FAF2: variants seen among roughly 807,000 people sequenced by gnomAD.
FAF2 encodes the protein Fas associated factor family member 2.
A neutral mutation model predicts 62.3 loss-of-function variants in FAF2; 9 were observed. That is an observed-to-expected ratio of 0.14 (90% CI 0.09 to 0.25). The LOEUF (loss-of-function observed/expected upper bound fraction) is 0.25. Among genes scored for constraint, FAF2 ranks in the 10% least tolerant of loss-of-function variants. The pLI, the probability that FAF2 is intolerant of heterozygous loss-of-function variation, is 1.00. For missense variants in FAF2, 368 were observed against 556.2 expected (o/e 0.66, Z 3.40); for synonymous variants, 202 against 198.0 (o/e 1.02, Z -0.17).
Position 176,507,015 on chromosome 5 carries a change from C to T in FAF2, c.*65C>T. 8.8e-7 allele frequency: 1 copy of T among 1,131,104 alleles called. No homozygotes were observed. The highest frequency in any genetic ancestry group is 1.2e-6 in the Non-Finnish European group (1 of 852,118). The allele number at this position is 1,131,104 out of a possible 1,614,324, so 70.1% of individuals were successfully genotyped here. On this transcript the variant is annotated 3_prime_UTR_variant, in exon 11 of 11. Coordinates refer to ENST00000261942, the MANE Select transcript of FAF2 (RefSeq NM_014613.3). Reference sequence around the variant, plus strand: ...AAGAAATGGGGAAAAAAGAAAACAACAGCAAGTCAGAAAAAAAAAACAAGA... The same window carrying T: ...AAGAAATGGGGAAAAAAGAAAACAATAGCAAGTCAGAAAAAAAAAACAAGA...
intron 1 of FAF2, among the ~76,000 whole-genome samples, chr5:176,450,701 G>A (rs1287523708): frequency 2.6e-5 from 4 of 151,988 alleles, no homozygotes; most frequent in Non-Finnish European, 5.9e-5. Context: ...CTACAGGCAC[G>A]CGCCACCACA....
At chr5:176,486,187 C>T (rs1483487330) in intron 2 of FAF2, among the ~76,000 whole-genome samples, 168 bp from the exon 3 acceptor site, 2 of 152,212 alleles carry the variant, frequency 1.3e-5, no homozygotes, top group African/African-American at 2.4e-5. Flanking sequence ...ACTCCAGTTG[C>T]CTCCAAGTAC....
intron 1 of FAF2, among the ~76,000 whole-genome samples, chr5:176,465,858 A>G (rs548261912): frequency 2.4e-4 from 36 of 152,312 alleles, no homozygotes; most frequent in African/African-American, 8.2e-4. Context: ...CTTCATCTCA[A>G]AAAAGAAAAG....
intron 4 of FAF2, among the ~76,000 whole-genome samples, chr5:176,490,920 A>C (rs977053257): frequency 6.6e-6 from 1 of 152,146 alleles, no homozygotes; most frequent in East Asian, 1.9e-4. Context: ...CAGTCTTCTG[A>C]TGAATTTCTA....
chr5:176,479,123 T>A (rs1758748978), intron 1 of FAF2, 65 bp from the exon 2 acceptor site: 1 of 1,321,840 alleles, frequency 7.6e-7, no homozygotes, highest in Non-Finnish European at 1.1e-6. Context: ...GTATATGGCG[T>A]AAAAATACTC....
rs142013594 is a variant in FAF2 at position 176,488,328 on chromosome 5, G to A, written c.268-623G>A. ...TGTAAATCTAAAAAGGAAAGAATGAGTGTGTATCATTTGGGGAACATTAAT... is the reference window on the plus strand; with the variant it reads ...TGTAAATCTAAAAAGGAAAGAATGAATGTGTATCATTTGGGGAACATTAAT... On this transcript the variant is annotated intron_variant, in intron 3 of 10. Transcript: ENST00000261942. Among the ~76,000 whole-genome samples, 82 of 152,320 alleles carry A rather than the reference G, an allele frequency of 5.4e-4. 1 individual carries two copies. Among genetic ancestry groups the A allele is most frequent in the African/African-American group, 1.9e-3 (79 of 41,568 alleles).
intron 1 of FAF2, among the ~76,000 whole-genome samples, chr5:176,466,999 T>C (rs1758479394): frequency 6.6e-6 from 1 of 151,992 alleles, no homozygotes; most frequent in African/African-American, 2.4e-5. Context: ...CCAAAATCCT[T>C]GGGAAGTCAG....
At chr5:176,471,575 G>A (rs1263287867) in intron 1 of FAF2, among the ~76,000 whole-genome samples, 1 of 151,556 alleles carries the variant, frequency 6.6e-6, no homozygotes, top group African/African-American at 2.4e-5. Context: ...TAGAGACGGG[G>A]TTTCACCATG....
chr5:176,500,647 T>C (rs1441797129), intron 10 of FAF2, among the ~76,000 whole-genome samples: 1 of 152,234 alleles, frequency 6.6e-6, no homozygotes, highest in Non-Finnish European at 1.5e-5. Context: ...TTTCTGAGGC[T>C]ACTTTATGTA....
At chr5:176,455,809 A>G (rs1758269169) in intron 1 of FAF2, among the ~76,000 whole-genome samples, 1 of 152,194 alleles carries the variant, frequency 6.6e-6, no homozygotes, top group Admixed American at 6.6e-5. Context: ...CATTCCCTAA[A>G]GAAAACGATA....
At position 176,507,976 on chromosome 5, in the gene FAF2, T is replaced by TAGCAGGGCCTGTGGTGGAGCC. The variant is rs1288082243; in HGVS notation, c.*1032_*1052dup. The stretch of plus-strand genomic sequence containing the variant: ...CAAGCCTGGTGCCTTTCCAAAGGAC[T>TAGCAGGGCCTGTGGTGGAGCC]AGCAGGGCCTGTGGTGGAGCCAGCA... On this transcript the variant is annotated 3_prime_UTR_variant, in exon 11 of 11. Transcript: ENST00000261942. The TAGCAGGGCCTGTGGTGGAGCC allele has an allele frequency of 2.0e-5, 3 of 152,614 alleles. No homozygotes were observed. Among genetic ancestry groups the TAGCAGGGCCTGTGGTGGAGCC allele is most frequent in the African/African-American group, 7.2e-5 (3 of 41,424 alleles). 9.5% of individuals were successfully genotyped at this position (152,614 alleles called of 1,614,324 possible).
intron 1 of FAF2, among the ~76,000 whole-genome samples, chr5:176,465,257 A>G (rs1758442722): frequency 6.6e-6 from 1 of 152,154 alleles, no homozygotes; most frequent in Admixed American, 6.6e-5. Context: ...AACTGTATCA[A>G]CATGTTTGTT....
chr5:176,490,802 G>A (rs2113740207), intron 4 of FAF2, among the ~76,000 whole-genome samples: 1 of 152,016 alleles, frequency 6.6e-6, no homozygotes, highest in Non-Finnish European at 1.5e-5. Context: ...AAAGCTGATT[G>A]TCCTAAATTG....
intron 3 of FAF2, among the ~76,000 whole-genome samples, chr5:176,487,632 A>G (rs1366558970): frequency 6.6e-6 from 1 of 152,204 alleles, no homozygotes; most frequent in East Asian, 1.9e-4. Flanking sequence ...CAACTATGAA[A>G]TGCTTTATAA....
intron 1 of FAF2, among the ~76,000 whole-genome samples, chr5:176,461,969 G>T (rs1420214431): frequency 6.6e-6 from 1 of 152,044 alleles, no homozygotes; most frequent in African/African-American, 2.4e-5. Context: ...AAACTTTACA[G>T]GGGTGTTAGA....
At chr5:176,470,511 A>G (rs1758547244) in intron 1 of FAF2, among the ~76,000 whole-genome samples, 1 of 152,260 alleles carries the variant, frequency 6.6e-6, no homozygotes, top group Admixed American at 6.5e-5. Context: ...CGGGAGGTGG[A>G]GGTTGTGGTG....
At chr5:176,480,353 T>C (rs1310132102) in intron 2 of FAF2, among the ~76,000 whole-genome samples, 1 of 152,150 alleles carries the variant, frequency 6.6e-6, no homozygotes, top group Non-Finnish European at 1.5e-5. Context: ...ATTCAACACA[T>C]TTTTGAGCAA....
rs149858861 is a variant in FAF2, at chr5:176,455,366, C to T, written c.63+6896C>T. On this transcript the variant is annotated intron_variant, in intron 1 of 10. Coordinates refer to ENST00000261942, the MANE Select transcript of FAF2 (RefSeq NM_014613.3). ...TGGGAGACTGAGGTGGGAGCATCAC[C>T]TTAGCCTAGGAGGTGAAGGCTGCAG... 8.0e-3 allele frequency among the ~76,000 whole-genome samples: 1,224 copies of T among 152,256 alleles called. 8 individuals are homozygous for T. Among genetic ancestry groups the T allele is most frequent in the Non-Finnish European group, 0.011 (774 of 68,024 alleles).
Position 176,448,449 on chromosome 5 carries a change from A to G in FAF2, c.42A>G (p.Thr14=), listed in dbSNP as rs963439376. ...AGCGGGATCTAACCCAGGAGCAGAC[A>G]GAGAAGCTGCTGCAGTTTCAGGTAG... ...PEERDLTQEQ[T]EKLLQFQDLT... The change falls in exon 1 of 11, where the codon ACA becomes ACG. Residue 14 remains threonine, a synonymous_variant. Coordinates refer to ENST00000261942, the MANE Select transcript of FAF2 (RefSeq NM_014613.3). The G allele has an allele frequency of 1.0e-5, 16 of 1,605,290 alleles. No homozygotes were observed. The highest frequency in any genetic ancestry group is 2.2e-5 in the South Asian group (2 of 89,606).
Sources: gnomAD v4.1 joint callset for allele counts (sites outside exome capture counted in the v4.1 genomes callset) on GRCh38, gnomAD v4.1.1 for gene constraint, MANE v1.5 for transcripts, NCBI Gene and HGNC (gene_info 2026-07-23, HGNC 2026-07-21) for gene names.